The following LRP1B variants were observed in gnomAD, a reference collection of about 807,000 sequenced individuals.
LRP1B encodes low-density lipoprotein receptor-related protein 1B.
A neutral mutation model predicts 556.6 loss-of-function variants in LRP1B; 217 were observed. The observed-to-expected ratio is 0.39, with a 90% confidence interval of 0.35 to 0.44. LRP1B has a LOEUF of 0.44. Among genes scored for constraint, LRP1B ranks in the 20% least tolerant of loss-of-function variants. The pLI is 1.00. For missense variants in LRP1B, 5,053 were observed against 5,620.8 expected, an observed-to-expected ratio of 0.90 and a Z score of 3.23; for synonymous variants, 2,047 against 1,865.8, an observed-to-expected ratio of 1.10 and a Z score of -2.50.
At chr2:140,325,329 G>GTTTATGTGAATAAGGGTATATCCTTC (rs1680416588) in intron 80 of LRP1B, among the ~76,000 whole-genome samples, 1 of 152,064 alleles carries the variant, frequency 6.6e-6, no homozygotes, top group Non-Finnish European at 1.5e-5. Context: ...ACACATCACT[G>GTTTATGTGAATAAGGGTATATCCTTC]TTTATGTGAA....
At chr2:140,351,697 A>C (rs775657152) in intron 76 of LRP1B, among the ~76,000 whole-genome samples, 4 of 152,118 alleles carry the variant, frequency 2.6e-5, no homozygotes, top group African/African-American at 9.7e-5. Context: ...AAAATTATCA[A>C]TTAAAATATT....
At chr2:142,115,966 C>T (rs1222053225) in intron 1 of LRP1B, among the ~76,000 whole-genome samples, 1 of 141,164 alleles carries the variant, frequency 7.1e-6, no homozygotes, top group East Asian at 2.1e-4. Context: ...CCTGTAATCC[C>T]AGCACTTTGG....
intron 60 of LRP1B, among the ~76,000 whole-genome samples, chr2:140,469,605 GT>G (rs1293953580): frequency 1.3e-5 from 2 of 152,228 alleles, no homozygotes; most frequent in African/African-American, 2.4e-5. Flanking sequence ...GTTTTTGTGT[GT>G]TTTTTCCTCA....
At chr2:140,853,872 A>G (rs1692532917) in intron 27 of LRP1B, among the ~76,000 whole-genome samples, 1 of 152,066 alleles carries the variant, frequency 6.6e-6, no homozygotes, top group Admixed American at 6.6e-5. Flanking sequence ...TTTGTCTGTT[A>G]TAATAATTGA....
intron 3 of LRP1B, among the ~76,000 whole-genome samples, chr2:141,342,174 G>A (rs1474714788): frequency 6.6e-6 from 1 of 150,758 alleles, no homozygotes; most frequent in Admixed American, 6.6e-5. Context: ...AACTTGGGAG[G>A]TGGAGGTTGC....
chr2:141,809,649 T>C (rs974973), intron 2 of LRP1B, among the ~76,000 whole-genome samples: 53,456 of 151,874 alleles, frequency 0.35, 9,777 homozygotes, highest in African/African-American at 0.44. Flanking sequence ...GTTATAGTAG[T>C]ACAACTATGA....
chr2:140,787,228 G>C (rs1573717962), intron 32 of LRP1B, among the ~76,000 whole-genome samples: 1 of 152,264 alleles, frequency 6.6e-6, no homozygotes, highest in East Asian at 1.9e-4. Flanking sequence ...GGTTAATATA[G>C]AGTTGATAGT....
At chr2:142,080,347 A>G (rs529045797) in intron 1 of LRP1B, among the ~76,000 whole-genome samples, 2 of 152,306 alleles carry the variant, frequency 1.3e-5, no homozygotes, top group Non-Finnish European at 2.9e-5. Context: ...ATGATCCAAT[A>G]GAAAAGAAAA....
intron 2 of LRP1B, among the ~76,000 whole-genome samples, chr2:141,522,986 C>T (rs1684577904): frequency 6.6e-6 from 1 of 152,088 alleles, no homozygotes; most frequent in Admixed American, 6.6e-5. Flanking sequence ...TCAGTGATCT[C>T]CTCTGTCCTG....
intron 2 of LRP1B, among the ~76,000 whole-genome samples, chr2:141,771,419 G>C (rs62168694): frequency 0.073 from 11,071 of 152,168 alleles, 586 homozygotes; most frequent in Non-Finnish European, 0.11. Context: ...CTGTTAATCT[G>C]TTAACAGTCT....
chr2:140,321,339 GAAAAA>G (rs936077160), intron 82 of LRP1B, among the ~76,000 whole-genome samples: 89 of 151,136 alleles, frequency 5.9e-4, no homozygotes, highest in African/African-American at 2.1e-3. Flanking sequence ...CTGCATGAAT[GAAAAA>G]AATCTTATCC....
chr2:142,093,613 G>A (rs1706254116), intron 1 of LRP1B, among the ~76,000 whole-genome samples: 1 of 152,096 alleles, frequency 6.6e-6, no homozygotes, highest in Non-Finnish European at 1.5e-5. Context: ...CACAGAAGAA[G>A]CCATCAGAGG....
chr2:140,284,895 G>GATATCTATATACCTATCT (rs1553439313), intron 84 of LRP1B, among the ~76,000 whole-genome samples: 18 of 111,626 alleles, frequency 1.6e-4, no homozygotes, highest in African/African-American at 4.7e-4. Flanking sequence ...TCTATATATG[G>GATATCTATATACCTATCT]ATATCTATAT....
Position 140,335,701 on chromosome 2 carries a change from T to G in LRP1B, c.12030A>C (p.Val4010=). Residue 4010 remains valine, a synonymous_variant, in exon 78 of 91, where the codon GTA becomes GTC. Transcript: ENST00000389484. ...TGCAGTTGGGGCCATTCAGCTGCCC[T>G]ACGTTGATAGAGTACCTCAGACTGG... The part of the protein sequence containing the change: ...HWTSLRYSIN[V]GQLNGPNCTR... The G allele has an allele frequency of 6.2e-7, 1 of 1,612,440 alleles. No homozygotes were observed. Among genetic ancestry groups the G allele is most frequent in the Non-Finnish European group, 8.5e-7 (1 of 1,178,786 alleles).
At chr2:141,816,409 C>T (rs1487356201) in intron 1 of LRP1B, among the ~76,000 whole-genome samples, 1 of 152,172 alleles carries the variant, frequency 6.6e-6, no homozygotes, top group Non-Finnish European at 1.5e-5. Context: ...TTCTGGCCTG[C>T]ATCTTTCTCC....
intron 31 of LRP1B, among the ~76,000 whole-genome samples, chr2:140,817,103 T>A (rs922293379): frequency 2.0e-5 from 3 of 152,156 alleles, no homozygotes; most frequent in African/African-American, 7.2e-5. Context: ...AAAACTGTCC[T>A]GGAACTTATG....
intron 2 of LRP1B, among the ~76,000 whole-genome samples, chr2:141,531,342 A>G (rs1684864845): frequency 6.6e-6 from 1 of 152,098 alleles, no homozygotes; most frequent in South Asian, 2.1e-4. Context: ...CCGTATGTCT[A>G]TTTCCAGGGA....
At chr2:141,815,743 G>A (rs7562174) in intron 1 of LRP1B, among the ~76,000 whole-genome samples, 7,022 of 151,692 alleles carry the variant, frequency 0.046, 547 homozygotes, top group African/African-American at 0.16. Flanking sequence ...CTTGGATCCC[G>A]TTCCACGCTG....
At chr2:140,685,586 CA>C (rs1315601648) in intron 41 of LRP1B, among the ~76,000 whole-genome samples, 1 of 152,118 alleles carries the variant, frequency 6.6e-6, no homozygotes, top group Admixed American at 6.6e-5. Flanking sequence ...AAAACTTTCA[CA>C]TAGAGGTTCA....
Sources: allele counts gnomAD v4.1 joint callset (sites outside exome capture counted in the v4.1 genomes callset), GRCh38; gene constraint gnomAD v4.1.1; transcripts MANE v1.5; gene names NCBI Gene and HGNC (gene_info 2026-07-23, HGNC 2026-07-21).